Variants in EDA observed in about 807,000 individuals in gnomAD.
The protein encoded by EDA is ectodysplasin A.
A neutral mutation model predicts 23.6 loss-of-function variants in EDA; 2 were observed. That is an observed-to-expected ratio of 0.08 (90% CI 0.03 to 0.27). EDA has a LOEUF of 0.27. EDA is among the 10% of genes least tolerant of loss of function. The probability of loss-of-function intolerance (pLI) is 1.00; values close to 1 mark genes in which losing one functional copy is unlikely to be tolerated. For missense variants in EDA, 229 were observed against 324.2 expected, an observed-to-expected ratio of 0.71 and a Z score of 2.26; for synonymous variants, 131 against 132.0, an observed-to-expected ratio of 0.99 and a Z score of 0.05.
intron 1 of EDA, among the ~76,000 whole-genome samples, chrX:69,733,487 C>G (rs2013123273): frequency 8.9e-6 from 1 of 112,021 alleles, no homozygotes; most frequent in Non-Finnish European, 1.9e-5. Context: ...CAGTACCATG[C>G]TGTTTTGGTT....
In EDA at chrX:69,868,047, A is replaced by G. The variant is rs776598595; in HGVS notation, c.397-88980A>G. 2.7e-5 allele frequency among the ~76,000 whole-genome samples: 3 copies of G among 111,748 alleles called. No individual in the cohort carries two copies. In the South Asian group the frequency reaches 1.1e-3, roughly 43 times the overall value. ...AAGAGCTGTCTCTCAAAAGGAGAGT[A>G]GTTATCTGCAGAAGATGGCAGGGCC... On this transcript the variant is annotated intron_variant, in intron 1 of 7. Transcript: ENST00000374552.
intron 1 of EDA, chrX:69,861,012 A>G (rs769474838): frequency 6.4e-5 from 32 of 496,216 alleles, no homozygotes; most frequent in Non-Finnish European, 1.2e-4. Flanking sequence ...TTAAATGAAC[A>G]TTTATATCCA....
chrX:69,742,494 A>G (rs747307283), intron 1 of EDA, among the ~76,000 whole-genome samples: 73 of 112,097 alleles, frequency 6.5e-4, no homozygotes, highest in Non-Finnish European at 7.9e-4. Flanking sequence ...TCTTGAAGAA[A>G]TATTTCTTCA....
At chrX:69,681,455 A>C (rs1934348071) in intron 1 of EDA, among the ~76,000 whole-genome samples, 1 of 111,467 alleles carries the variant, frequency 9.0e-6, no homozygotes, top group Non-Finnish European at 1.9e-5. Context: ...ACTTTCAGGT[A>C]CACCAATCAG....
chrX:70,025,164 C>T (rs945545805), intron 3 of EDA, among the ~76,000 whole-genome samples: 1 of 110,929 alleles, frequency 9.0e-6, no homozygotes, highest in Non-Finnish European at 1.9e-5. Flanking sequence ...CTAACATTTT[C>T]ATAAGTGAAC....
At chrX:69,639,098 T>C (rs762583605) in intron 1 of EDA, among the ~76,000 whole-genome samples, 2 of 111,551 alleles carry the variant, frequency 1.8e-5, no homozygotes, top group Admixed American at 1.9e-4. Context: ...TATCAGAATT[T>C]TATTCCTATT....
In EDA at chrX:69,956,351, T is replaced by C. The variant is rs1379907086; in HGVS notation, c.397-676T>C. 9.7e-4 allele frequency among the ~76,000 whole-genome samples: 100 copies of C among 103,113 alleles called. 1 individual carries two copies. Among genetic ancestry groups the C allele is most frequent in the Admixed American group, 2.2e-4 (2 of 9,294 alleles). The allele number at this position is 103,113 out of a possible 115,157, so 89.5% of individuals were successfully genotyped here. ...TTTCTCTTTCTTTCTTCTTTTTTTT[T>C]TTTTTTTTTTACAGAGTTTTGCTCT... On this transcript the variant is annotated intron_variant, in intron 1 of 7. Coordinates refer to ENST00000374552, the MANE Select transcript of EDA (RefSeq NM_001399.5).
intron 1 of EDA, among the ~76,000 whole-genome samples, chrX:69,742,849 T>A (rs2013501295): frequency 9.0e-6 from 1 of 111,659 alleles, no homozygotes; most frequent in Non-Finnish European, 1.9e-5. Context: ...CACAGTCCTG[T>A]GCTACCTGTT....
chrX:69,866,000 C>G, intron 1 of EDA, among the ~76,000 whole-genome samples: 1 of 112,414 alleles, frequency 8.9e-6, no homozygotes, highest in Non-Finnish European at 1.9e-5. Flanking sequence ...ATGACAGTTA[C>G]AGTCCCCGTT....
At chrX:69,784,358 T>A in intron 1 of EDA, among the ~76,000 whole-genome samples, 1 of 101,843 alleles carries the variant, frequency 9.8e-6, no homozygotes, top group Non-Finnish European at 2.0e-5. Flanking sequence ...AGACATGAAG[T>A]CCTTGCCCAT....
intron 1 of EDA, among the ~76,000 whole-genome samples, chrX:69,932,531 C>A (rs773976129): frequency 3.0e-4 from 33 of 111,326 alleles, no homozygotes; most frequent in African/African-American, 1.0e-3. Context: ...CTTGCCAGAA[C>A]GCTTTTTCAG....
intron 1 of EDA, among the ~76,000 whole-genome samples, chrX:69,787,431 G>A (rs188104352): frequency 1.9e-3 from 201 of 106,224 alleles, no homozygotes; most frequent in African/African-American, 5.9e-3. Flanking sequence ...GGCTGGTACC[G>A]GTTGTTCCTT....
intron 1 of EDA, among the ~76,000 whole-genome samples, chrX:69,832,116 C>T (rs1316510639): frequency 1.8e-5 from 2 of 111,468 alleles, no homozygotes; most frequent in African/African-American, 6.5e-5. Flanking sequence ...CTTGCCAATG[C>T]CTGTGTCCTG....
intron 1 of EDA, among the ~76,000 whole-genome samples, chrX:69,826,839 G>A (rs779811662): frequency 1.0e-3 from 113 of 111,340 alleles, no homozygotes; most frequent in African/African-American, 3.5e-3. Context: ...GGCTGGAACC[G>A]GTTGTTCCTT....
chrX:69,706,871 C>A (rs1024108793), intron 1 of EDA, among the ~76,000 whole-genome samples: 2 of 111,324 alleles, frequency 1.8e-5, no homozygotes, highest in Non-Finnish European at 3.8e-5. Context: ...GCATGTCTGA[C>A]CCCCACTTCC....
intron 1 of EDA, among the ~76,000 whole-genome samples, chrX:69,914,510 T>C: frequency 8.9e-6 from 1 of 111,740 alleles, no homozygotes; most frequent in African/African-American, 3.2e-5. Context: ...GTTATAATTA[T>C]ACATATTTTG....
chrX:69,853,203 A>C (rs1211342543), intron 1 of EDA, among the ~76,000 whole-genome samples: 1 of 112,358 alleles, frequency 8.9e-6, no homozygotes, highest in Non-Finnish European at 1.9e-5. Context: ...ATAGGAGACT[A>C]TCAAATGTGA....
chrX:69,923,275 A>G (rs1335377645), intron 1 of EDA, among the ~76,000 whole-genome samples: 1 of 109,780 alleles, frequency 9.1e-6, no homozygotes, highest in East Asian at 2.9e-4. Context: ...CTCGTCCTCT[A>G]AGTCCCGTCC....
chrX:69,917,785 G>A (rs2018367304), intron 1 of EDA, among the ~76,000 whole-genome samples: 1 of 110,619 alleles, frequency 9.0e-6, no homozygotes, highest in Non-Finnish European at 1.9e-5. Context: ...TATGTTTTAA[G>A]TCAGTCTCTG....
Sources: allele counts gnomAD v4.1 joint callset (sites outside exome capture counted in the v4.1 genomes callset), GRCh38; gene constraint gnomAD v4.1.1; transcripts MANE v1.5; gene names NCBI Gene and HGNC (gene_info 2026-07-23, HGNC 2026-07-21).